The following PCDHGA3 variants were observed in gnomAD, a reference collection of about 807,000 sequenced individuals.
The protein encoded by PCDHGA3 is protocadherin gamma-A3.
PCDHGA3 carries 40 observed loss-of-function variants against 58.5 expected under a neutral mutation model. That is an observed-to-expected ratio of 0.68 (90% CI 0.53 to 0.89). The LOEUF (loss-of-function observed/expected upper bound fraction) is 0.89, where lower values mean the gene tolerates loss of function less well. Among genes scored for constraint, PCDHGA3 ranks in the 40% least tolerant of loss-of-function variants. The pLI, the probability that PCDHGA3 is intolerant of heterozygous loss-of-function variation, is 0.00. For synonymous variants in PCDHGA3, 530 were observed against 525.7 expected, an observed-to-expected ratio of 1.01 and a Z score of -0.11; for missense variants, 1,223 against 1,195.9, an observed-to-expected ratio of 1.02 and a Z score of -0.33.
chr5:141,455,159 G>GTT (rs1390145608), intron 1 of PCDHGA3, among the ~76,000 whole-genome samples: 4 of 144,860 alleles, frequency 2.8e-5, no homozygotes, highest in African/African-American at 7.8e-5. Context: ...TTAGTTTGTT[G>GTT]GTTTTTTTTT....
intron 1 of PCDHGA3, among the ~76,000 whole-genome samples, chr5:141,456,406 G>A (rs1038971451): frequency 2.0e-5 from 3 of 152,080 alleles, no homozygotes; most frequent in South Asian, 2.1e-4. Flanking sequence ...GCTTCTAGGC[G>A]AGAAGAAACA....
At chr5:141,441,709 C>T in intron 1 of PCDHGA3, 1 of 321,306 alleles carries the variant, frequency 3.1e-6, no homozygotes, top group Non-Finnish European at 6.1e-6. Flanking sequence ...TTCAAGCTCA[C>T]GCTGCAGGCC....
At chr5:141,365,407 C>G in intron 1 of PCDHGA3, 2 of 1,614,012 alleles carry the variant, frequency 1.2e-6, no homozygotes, top group South Asian at 1.1e-5. Flanking sequence ...TCTCTGAAGA[C>G]TGTCTTCCCG....
intron 1 of PCDHGA3, chr5:141,370,668 C>CGA (rs1767111229): frequency 5.0e-6 from 8 of 1,613,644 alleles, no homozygotes; most frequent in Non-Finnish European, 5.9e-6. Context: ...CCGTATAGAC[C>CGA]GAGAGGAGAT....
chr5:141,344,128 G>A lies in PCDHGA3; in HGVS notation c.95G>A (p.Arg32His), dbSNP rs747941691. 15 of 1,613,910 alleles carry A rather than the reference G, an allele frequency of 9.3e-6. No homozygotes were observed. In the South Asian group the frequency reaches 9.9e-5, roughly 11 times the overall value. Residue 32 changes from arginine (R) to histidine (H), a missense_variant, in exon 1 of 4, where the codon CGC becomes CAC. Physicochemically the swap from Arg to His is conservative, Grantham distance 29. Coordinates refer to ENST00000253812, the MANE Select transcript of PCDHGA3 (RefSeq NM_018916.4). ...TLCETGSGQI[R>H]YSVSEELDKG... ...TGCGAAACAGGATCCGGTCAGATCC[G>A]CTACTCGGTGTCTGAGGAGCTAGAT...
At chr5:141,350,651 G>A (rs1261429657) in intron 1 of PCDHGA3, 4 of 1,613,914 alleles carry the variant, frequency 2.5e-6, no homozygotes, top group East Asian at 4.5e-5. Context: ...ACCACGTTTC[G>A]TTGCAAAAGG....
At chr5:141,363,921 G>A (rs1014705709) in intron 1 of PCDHGA3, among the ~76,000 whole-genome samples, 20 of 152,132 alleles carry the variant, frequency 1.3e-4, no homozygotes, top group African/African-American at 4.3e-4. Flanking sequence ...TTTTTGTAAG[G>A]TATTGAGATC....
At chr5:141,497,848 T>C (rs2099779951) in intron 2 of PCDHGA3, among the ~76,000 whole-genome samples, 1 of 152,178 alleles carries the variant, frequency 6.6e-6, no homozygotes, top group South Asian at 2.1e-4. Flanking sequence ...AACAAACATT[T>C]TTGATTCAGC....
At chr5:141,356,142 C>T in intron 1 of PCDHGA3, 1 of 1,613,620 alleles carries the variant, frequency 6.2e-7, no homozygotes, top group Non-Finnish European at 8.5e-7. Flanking sequence ...ACTCTGGATT[C>T]TATGACATAG....
intron 1 of PCDHGA3, chr5:141,408,115 C>A (rs2095044760): frequency 9.6e-6 from 14 of 1,461,430 alleles, no homozygotes; most frequent in South Asian, 2.9e-5. Flanking sequence ...GGGACTCCTC[C>A]TGTCCTGGGC....
intron 1 of PCDHGA3, chr5:141,398,580 A>T: frequency 1.2e-6 from 2 of 1,614,044 alleles, no homozygotes; most frequent in Non-Finnish European, 1.7e-6. Flanking sequence ...CTGGCACAAG[A>T]TTTATACTAG....
intron 1 of PCDHGA3, chr5:141,427,308 G>A (rs2097014480): frequency 2.2e-6 from 1 of 456,846 alleles, no homozygotes; most frequent in Non-Finnish European, 4.4e-6. Flanking sequence ...GAATGACAAT[G>A]CCCCAGACGT....
At chr5:141,370,623 G>T (rs1269464778) in intron 1 of PCDHGA3, 3 of 1,613,940 alleles carry the variant, frequency 1.9e-6, no homozygotes, top group African/African-American at 1.3e-5. Flanking sequence ...ATTCTTTACC[G>T]TGAGCCCCGA....
intron 1 of PCDHGA3, chr5:141,394,550 C>T (rs1389907024): frequency 9.3e-6 from 15 of 1,614,014 alleles, no homozygotes; most frequent in South Asian, 7.7e-5. Flanking sequence ...AGCTGGCGCC[C>T]CGCTCCGCAG....
chr5:141,506,471 C>T (rs2099854191), intron 3 of PCDHGA3, among the ~76,000 whole-genome samples: 2 of 148,834 alleles, frequency 1.3e-5, no homozygotes, highest in African/African-American at 5.0e-5. Flanking sequence ...AAAAAGAGCA[C>T]AGGCTTTAGA....
chr5:141,491,126 G>A lies in PCDHGA3; in HGVS notation c.2425-3681G>A, dbSNP rs768294944. 1.4e-5 allele frequency: 23 copies of A among 1,613,978 alleles called. No individual in the cohort carries two copies. In the East Asian group the frequency reaches 3.1e-4, roughly 22 times the overall value. On this transcript the variant is annotated intron_variant, in intron 1 of 3. Transcript: ENST00000253812. This position sits in a 1 kb window ranked among gnomAD's most constrained non-coding sequence, Gnocchi z 6.9. ...GTGTCTACACACACTGGTGAGGTGCGCACAGCCCGGGCCTTACTGGAGGAT... is the reference window on the plus strand; with the variant it reads ...GTGTCTACACACACTGGTGAGGTGCACACAGCCCGGGCCTTACTGGAGGAT...
chr5:141,421,040 C>T (rs2096541229), intron 1 of PCDHGA3: 1 of 545,472 alleles, frequency 1.8e-6, no homozygotes, highest in East Asian at 3.1e-5. Context: ...GTCCCTCCCT[C>T]CCCCGCCTCT....
intron 1 of PCDHGA3, chr5:141,377,028 G>A (rs776077319): frequency 2.5e-4 from 39 of 154,858 alleles, no homozygotes; most frequent in Admixed American, 6.4e-5. Context: ...ATTCAAGATT[G>A]TCTTTGATTA....
chr5:141,439,669 A>T (rs983024479), intron 1 of PCDHGA3, among the ~76,000 whole-genome samples: 4 of 152,174 alleles, frequency 2.6e-5, no homozygotes, highest in Non-Finnish European at 5.9e-5. Context: ...ATGGAATGCA[A>T]ATCCAAGAGC....
Sources: gnomAD v4.1 joint callset for allele counts (sites outside exome capture counted in the v4.1 genomes callset) on GRCh38, gnomAD v4.1.1 for gene constraint, Gnocchi (gnomAD v3.1) non-coding constraint, MANE v1.5 for transcripts, NCBI Gene and HGNC (gene_info 2026-07-23, HGNC 2026-07-21) for gene names.